Variants in NRXN1 observed in about 807,000 individuals in gnomAD.
NRXN1 encodes the protein neurexin 1.
A neutral mutation model predicts 150.9 loss-of-function variants in NRXN1; 39 were observed. The ratio of observed to expected loss-of-function variants is 0.26; its 90% confidence interval spans 0.20 to 0.34. NRXN1 has a LOEUF of 0.34. NRXN1 is among the 10% of genes least tolerant of loss of function. The probability of loss-of-function intolerance (pLI) is 1.00; values close to 1 mark genes in which losing one functional copy is unlikely to be tolerated. For missense variants in NRXN1, 1,815 were observed against 1,949.9 expected (o/e 0.93, Z 1.30); for synonymous variants, 924 against 757.0 (o/e 1.22, Z -3.62).
chr2:50,943,076 T>C (rs901635977), intron 2 of NRXN1, among the ~76,000 whole-genome samples: 7 of 152,100 alleles, frequency 4.6e-5, no homozygotes, highest in African/African-American at 1.7e-4. Context: ...TTGATAAGTA[T>C]GTGGCTCTTC....
intron 21 of NRXN1, among the ~76,000 whole-genome samples, chr2:50,043,082 A>G (rs1691262537): frequency 6.6e-6 from 1 of 152,214 alleles, no homozygotes; most frequent in African/African-American, 2.4e-5. Context: ...CAGTTTACTA[A>G]TAGCATACCA....
chr2:50,086,863 G>T, intron 19 of NRXN1, among the ~76,000 whole-genome samples: 1 of 150,804 alleles, frequency 6.6e-6, no homozygotes, highest in African/African-American at 2.5e-5. Context: ...AGCCGAAAAT[G>T]CGGGCATGTC....
chr2:50,285,356 G>A (rs192255230), intron 17 of NRXN1, among the ~76,000 whole-genome samples: 79 of 152,174 alleles, frequency 5.2e-4, no homozygotes, highest in South Asian at 2.3e-3. Context: ...AGCAGCTCAG[G>A]GTGCAAGGTA....
intron 18 of NRXN1, among the ~76,000 whole-genome samples, chr2:50,163,941 T>C (rs1275752149): frequency 1.3e-5 from 2 of 152,162 alleles, no homozygotes; most frequent in Non-Finnish European, 2.9e-5. Context: ...GAAGGAGAAA[T>C]CATTACTTGC....
At chr2:50,829,999 GAAAAAAAAAAAAA>G (rs572758147) in intron 5 of NRXN1, among the ~76,000 whole-genome samples, 15 of 58,180 alleles carry the variant, frequency 2.6e-4, no homozygotes, top group East Asian at 1.5e-3. Context: ...CTGCCTGCTG[GAAAAAAAAAAAAA>G]AAAAAAAAAA....
Position 50,346,669 on chromosome 2 carries a change from G to A in NRXN1, c.3365-109699C>T, listed in dbSNP as rs201673948. On this transcript the variant is annotated intron_variant, in intron 17 of 22. Coordinates refer to ENST00000401669, the MANE Select transcript of NRXN1 (RefSeq NM_001330078.2). The surrounding 1 kb of genome is among the most constrained non-coding windows in gnomAD (Gnocchi z 5.0). The stretch of plus-strand genomic sequence containing the variant: ...AGGGGAGCGAGGGGATAACCCGCGA[G>A]AACTTGGCATCGCAGACCCACCGTG... The A allele has an allele frequency of 6.2e-7, 1 of 1,611,802 alleles. No homozygotes were observed. The highest frequency in any genetic ancestry group is 8.5e-7 in the Non-Finnish European group (1 of 1,178,446).
chr2:50,484,927 T>A (rs567229721), intron 15 of NRXN1, among the ~76,000 whole-genome samples: 20 of 152,346 alleles, frequency 1.3e-4, no homozygotes, highest in African/African-American at 4.1e-4. Context: ...TTAAAATAAA[T>A]GTTAGCTTTT....
chr2:50,009,157 G>T (rs930728239), intron 21 of NRXN1, among the ~76,000 whole-genome samples: 1 of 151,934 alleles, frequency 6.6e-6, no homozygotes, highest in African/African-American at 2.4e-5. Flanking sequence ...TGATAGTATC[G>T]ATATATTTGG....
intron 22 of NRXN1, among the ~76,000 whole-genome samples, chr2:49,923,454 A>G (rs1668563860): frequency 6.6e-6 from 1 of 152,186 alleles, no homozygotes; most frequent in Non-Finnish European, 1.5e-5. Context: ...AATTATGTAT[A>G]ATGAACAAAT....
intron 8 of NRXN1, among the ~76,000 whole-genome samples, chr2:50,586,142 G>A (rs957257702): frequency 1.3e-5 from 2 of 152,064 alleles, no homozygotes; most frequent in Non-Finnish European, 2.9e-5. Flanking sequence ...TGTCTGAAAT[G>A]CCCCAAACCT....
chr2:50,208,951 C>T (rs1302819821), intron 18 of NRXN1, among the ~76,000 whole-genome samples: 1 of 152,088 alleles, frequency 6.6e-6, no homozygotes, highest in African/African-American at 2.4e-5. Flanking sequence ...ATTTCCATTT[C>T]ATATTTGCAG....
At chr2:50,523,521 T>C (rs1367480270) in intron 12 of NRXN1, among the ~76,000 whole-genome samples, 1 of 152,222 alleles carries the variant, frequency 6.6e-6, no homozygotes, top group Non-Finnish European at 1.5e-5. Flanking sequence ...GCTTCTCAAA[T>C]GGCAGCCTGA....
intron 2 of NRXN1, among the ~76,000 whole-genome samples, chr2:50,928,610 T>C (rs150610401): frequency 6.6e-5 from 10 of 152,170 alleles, no homozygotes; most frequent in African/African-American, 2.4e-4. Context: ...CTCATAACAA[T>C]TTTTTCTTTA....
chr2:50,653,854 T>A (rs1685991442), intron 5 of NRXN1, among the ~76,000 whole-genome samples: 1 of 151,918 alleles, frequency 6.6e-6, no homozygotes, highest in Admixed American at 6.6e-5. Flanking sequence ...GCTGTGATCA[T>A]CTTCTCTGCC....
chr2:50,286,294 C>A (rs2072158200), intron 17 of NRXN1, among the ~76,000 whole-genome samples: 1 of 152,090 alleles, frequency 6.6e-6, no homozygotes, highest in Non-Finnish European at 1.5e-5. Flanking sequence ...ACCAACACCA[C>A]CTCACTCCTA....
intron 5 of NRXN1, among the ~76,000 whole-genome samples, chr2:50,820,125 G>A (rs1427433633): frequency 1.3e-5 from 2 of 150,330 alleles, no homozygotes; most frequent in Non-Finnish European, 3.0e-5. Flanking sequence ...CTGGGGATGG[G>A]GATATGAAAA....
At chr2:50,934,451 C>T (rs1415241943) in intron 2 of NRXN1, among the ~76,000 whole-genome samples, 1 of 151,992 alleles carries the variant, frequency 6.6e-6, no homozygotes. Context: ...TTTCTAACTG[C>T]ATGATTGAAT....
chr2:50,628,526 T>C (rs1162364118), intron 5 of NRXN1, among the ~76,000 whole-genome samples: 1 of 151,712 alleles, frequency 6.6e-6, no homozygotes, highest in Non-Finnish European at 1.5e-5. Flanking sequence ...TTTTTCACAA[T>C]ATATAAGAAT....
chr2:50,521,905 G>A (rs190110078), intron 12 of NRXN1, among the ~76,000 whole-genome samples: 174 of 152,170 alleles, frequency 1.1e-3, no homozygotes, highest in Admixed American at 1.8e-3. Context: ...CTTATGGGGC[G>A]ACCTGAACTG....
Sources: allele counts gnomAD v4.1 joint callset (sites outside exome capture counted in the v4.1 genomes callset), GRCh38; gene constraint gnomAD v4.1.1; non-coding constraint Gnocchi (gnomAD v3.1); transcripts MANE v1.5; gene names NCBI Gene and HGNC (gene_info 2026-07-23, HGNC 2026-07-21).